LRRTM4: variants seen among roughly 807,000 people sequenced by gnomAD.
LRRTM4 encodes the protein leucine-rich repeat transmembrane neuronal protein 4.
LRRTM4 carries 25 observed loss-of-function variants against 47.6 expected under a neutral mutation model. The observed-to-expected ratio is 0.53, with a 90% CI of 0.38 to 0.73. LRRTM4 has a LOEUF of 0.73. Among genes scored for constraint, LRRTM4 ranks in the 30% least tolerant of loss-of-function variants. The probability of loss-of-function intolerance (pLI) is 0.00; values close to 1 mark genes in which losing one functional copy is unlikely to be tolerated. For missense variants in LRRTM4, 638 were observed against 713.4 expected, an observed-to-expected ratio of 0.89 and a Z score of 1.20; for synonymous variants, 311 against 269.5, an observed-to-expected ratio of 1.15 and a Z score of -1.51.
rs1331954718 is a variant in LRRTM4 at position 76,792,590 on chromosome 2, ATAAAG to A, written c.1552-43679_1552-43675del. 2.0e-5 allele frequency among the ~76,000 whole-genome samples: 3 copies of A among 152,254 alleles called. No individual in the cohort carries two copies. The East Asian group carries it at 5.8e-4, about 29-fold the overall frequency. The stretch of plus-strand genomic sequence containing the variant: ...TAATTCTTCTAGTAACAATCAGAGA[ATAAAG>A]TGTGTGATGCAAGAGAAGCTGCTTT... On this transcript the variant is annotated intron_variant, in intron 3 of 3. Coordinates refer to ENST00000409884, the MANE Select transcript of LRRTM4 (RefSeq NM_001134745.3).
chr2:76,751,316 A>G (rs1672841852), intron 3 of LRRTM4, among the ~76,000 whole-genome samples: 2 of 152,178 alleles, frequency 1.3e-5, no homozygotes, highest in Admixed American at 1.3e-4. Context: ...TTACCTCTAA[A>G]GGAAGGTAAA....
rs1432798861 is a variant in LRRTM4, at chr2:77,460,776, C to T, written c.1551+57542G>A. ...GGTTCTCTATTACTAAGTTTTAAAACAAAAGGTAAGGACAGATATAAAAGC... is the reference window on the plus strand; with the variant it reads ...GGTTCTCTATTACTAAGTTTTAAAATAAAAGGTAAGGACAGATATAAAAGC... On this transcript the variant is annotated intron_variant, in intron 3 of 3. Transcript: ENST00000409884. 3.3e-5 allele frequency among the ~76,000 whole-genome samples: 5 copies of T among 151,690 alleles called. No individual in the cohort carries two copies. The East Asian group carries it at 5.9e-4, about 18-fold the overall frequency.
intron 3 of LRRTM4, among the ~76,000 whole-genome samples, chr2:76,884,665 C>T (rs1673020081): frequency 6.6e-6 from 1 of 152,002 alleles, no homozygotes; most frequent in South Asian, 2.1e-4. Flanking sequence ...CAAACTTAGG[C>T]ATGGTAGAGA....
At chr2:77,370,593 G>A (rs1672623107) in intron 3 of LRRTM4, among the ~76,000 whole-genome samples, 1 of 151,608 alleles carries the variant, frequency 6.6e-6, no homozygotes, top group African/African-American at 2.4e-5. Flanking sequence ...TTAGAAATAT[G>A]TCTGTGGATG....
At chr2:77,486,710 C>T (rs941312207) in intron 3 of LRRTM4, among the ~76,000 whole-genome samples, 2 of 152,208 alleles carry the variant, frequency 1.3e-5, no homozygotes, top group Non-Finnish European at 2.9e-5. Flanking sequence ...CTCTATCTTA[C>T]ACAGAGGGTG....
At chr2:77,411,791 C>A (rs914590695) in intron 3 of LRRTM4, among the ~76,000 whole-genome samples, 1 of 151,734 alleles carries the variant, frequency 6.6e-6, no homozygotes, top group African/African-American at 2.4e-5. Flanking sequence ...GGATTTCTAA[C>A]CTAGCTCTCA....
At chr2:77,357,873 G>A (rs569862499) in intron 3 of LRRTM4, among the ~76,000 whole-genome samples, 78 of 151,998 alleles carry the variant, frequency 5.1e-4, no homozygotes, top group African/African-American at 1.9e-3. Context: ...AAAAATAATA[G>A]AAAAAATAAC....
chr2:76,893,301 A>G (rs1428123610), intron 3 of LRRTM4, among the ~76,000 whole-genome samples: 2 of 151,680 alleles, frequency 1.3e-5, no homozygotes, highest in Non-Finnish European at 3.0e-5. Context: ...ATATCCAAAT[A>G]AAAATGGCAA....
intron 3 of LRRTM4, among the ~76,000 whole-genome samples, chr2:77,410,594 G>A (rs1001696336): frequency 6.6e-6 from 1 of 152,130 alleles, no homozygotes; most frequent in Non-Finnish European, 1.5e-5. Flanking sequence ...AAGGGGAGAG[G>A]CATACTGATT....
At chr2:77,355,225 C>T (rs1671925580) in intron 3 of LRRTM4, among the ~76,000 whole-genome samples, 1 of 152,056 alleles carries the variant, frequency 6.6e-6, no homozygotes, top group African/African-American at 2.4e-5. Context: ...TTGGATGTCA[C>T]CCCTCATAAT....
intron 3 of LRRTM4, among the ~76,000 whole-genome samples, chr2:77,272,083 C>A (rs551897745): frequency 2.0e-5 from 3 of 152,090 alleles, no homozygotes; most frequent in African/African-American, 4.8e-5. Context: ...CTTTTTGAAA[C>A]CTTACCCATC....
At chr2:77,302,934 G>A (rs972154067) in intron 3 of LRRTM4, among the ~76,000 whole-genome samples, 2 of 152,064 alleles carry the variant, frequency 1.3e-5, no homozygotes, top group Admixed American at 6.6e-5. Flanking sequence ...GGTAAAAGAG[G>A]AATACAACTT....
chr2:77,223,159 C>T (rs190840094), intron 3 of LRRTM4, among the ~76,000 whole-genome samples: 28 of 152,150 alleles, frequency 1.8e-4, no homozygotes, highest in South Asian at 4.2e-4. Context: ...AATTCAACAA[C>T]GCTTCATGCT....
chr2:76,995,410 T>C (rs145119913), intron 3 of LRRTM4, among the ~76,000 whole-genome samples: 4 of 152,168 alleles, frequency 2.6e-5, no homozygotes, highest in African/African-American at 9.6e-5. Flanking sequence ...CCTAGCATGA[T>C]AGTTGCAGTA....
chr2:77,350,332 C>CAAAAAAAAAAAAAA (rs61365229), intron 3 of LRRTM4, among the ~76,000 whole-genome samples: 6 of 39,190 alleles, frequency 1.5e-4, no homozygotes, highest in African/African-American at 2.6e-4. Flanking sequence ...GACTCCGTCT[C>CAAAAAAAAAAAAAA]AAAAAAAAAA....
intron 3 of LRRTM4, among the ~76,000 whole-genome samples, chr2:76,986,809 C>T (rs1415613062): frequency 1.3e-5 from 2 of 151,826 alleles, no homozygotes; most frequent in African/African-American, 4.8e-5. Flanking sequence ...GCTATATAGG[C>T]CAATACATTT....
intron 3 of LRRTM4, among the ~76,000 whole-genome samples, chr2:77,226,049 T>C (rs1674795361): frequency 6.6e-6 from 1 of 151,644 alleles, no homozygotes; most frequent in Non-Finnish European, 1.5e-5. Flanking sequence ...ATGTATAAAG[T>C]TATATATTTT....
intron 3 of LRRTM4, among the ~76,000 whole-genome samples, chr2:76,797,333 T>A (rs183645221): frequency 2.4e-3 from 363 of 152,022 alleles, no homozygotes; most frequent in African/African-American, 8.5e-3. Context: ...AGAAAAGAAT[T>A]TTCAACCCAG....
intron 3 of LRRTM4, among the ~76,000 whole-genome samples, chr2:77,308,662 T>G: frequency 6.6e-6 from 1 of 152,160 alleles, no homozygotes. Context: ...TCTTCTATCA[T>G]TCCCACTTCC....
Sources: allele counts gnomAD v4.1 joint callset (sites outside exome capture counted in the v4.1 genomes callset), GRCh38; gene constraint gnomAD v4.1.1; transcripts MANE v1.5; gene names NCBI Gene and HGNC (gene_info 2026-07-23, HGNC 2026-07-21).